The following LRRC53 variants were observed in gnomAD, a reference collection of about 807,000 sequenced individuals.
LRRC53 encodes leucine rich repeat containing 53, also known as leucine-rich repeat-containing protein 53.
A neutral mutation model predicts 13.6 loss-of-function variants in LRRC53; 25 were observed. That is an observed-to-expected ratio of 1.83 (90% CI 1.34 to 2.56). LRRC53 has a LOEUF of 2.56. LRRC53 is among the 30% of genes most tolerant of loss of function. The probability of loss-of-function intolerance (pLI) is 0.00; values close to 1 mark genes in which losing one functional copy is unlikely to be tolerated. For synonymous variants in LRRC53, 204 were observed against 109.8 expected (o/e 1.86, Z -5.37); for missense variants, 527 against 275.8 (o/e 1.91, Z -6.45).
the LRRC53 span, among the ~76,000 whole-genome samples, chr1:74,521,441 T>C: frequency 6.6e-6 from 1 of 152,184 alleles, no homozygotes; most frequent in African/African-American, 2.4e-5. Flanking sequence ...GAAATATGTA[T>C]TCTAATGCAA....
At chr1:74,534,688 C>T in the LRRC53 span, among the ~76,000 whole-genome samples, 1 of 152,078 alleles carries the variant, frequency 6.6e-6, no homozygotes, top group Admixed American at 6.6e-5. Flanking sequence ...TTAGGAGTAT[C>T]TCCTCTATCT....
At chr1:74,515,656 G>A (rs1442379054), upstream of LRRC53, among the ~76,000 whole-genome samples, 1 of 152,138 alleles carries the variant, frequency 6.6e-6, no homozygotes, top group African/African-American at 2.4e-5. Flanking sequence ...AAACTAAGGG[G>A]ATCATGGTTT....
At chr1:74,491,926 G>A (rs533975223) in intron 1 of LRRC53, among the ~76,000 whole-genome samples, 6 of 152,292 alleles carry the variant, frequency 3.9e-5, no homozygotes, top group Admixed American at 1.3e-4. Context: ...ATTAAGCTAG[G>A]CAGATGTTGC....
At chr1:74,494,084 C>T (rs1669212854) in intron 1 of LRRC53, among the ~76,000 whole-genome samples, 1 of 152,058 alleles carries the variant, frequency 6.6e-6, no homozygotes, top group Non-Finnish European at 1.5e-5. Flanking sequence ...ACTTTCCAAC[C>T]CATGGAAGAC....
In LRRC53 at chr1:74,470,047, G is replaced by A. The variant is rs1243942272; in HGVS notation, c.3575C>T (p.Thr1192Ile). Residue 1192 changes from threonine to isoleucine, a missense_variant, in exon 5 of 5, where the codon ACA becomes ATA. Thr to Ile is a moderately conservative substitution (Grantham distance 89, BLOSUM62 -1). Coordinates refer to ENST00000294635, the MANE Select transcript of LRRC53 (RefSeq NM_001382280.1). ...AHKEGAMTVE[T>I]HEALSFLPGL... is the part of the protein sequence containing the mutation. ...TGGTAAGAAGGAAAGCGCTTCATGT[G>A]TCTCCACTGTCATTGCGCCTTCTTT... 6 of 400,552 alleles carry A rather than the reference G, an allele frequency of 1.5e-5. No individual in the cohort carries two copies. Among genetic ancestry groups the A allele is most frequent in the Non-Finnish European group, 2.7e-5 (6 of 226,168 alleles). 24.8% of individuals were successfully genotyped at this position (400,552 alleles called of 1,614,324 possible).
intron 1 of LRRC53, among the ~76,000 whole-genome samples, chr1:74,485,893 T>C (rs1031060664): frequency 2.0e-5 from 3 of 152,050 alleles, no homozygotes; most frequent in African/African-American, 4.8e-5. Flanking sequence ...CAACAACCAA[T>C]GCGCTTAAAA....
chr1:74,533,787 T>C, the LRRC53 span, among the ~76,000 whole-genome samples: 6 of 152,090 alleles, frequency 3.9e-5, no homozygotes, highest in African/African-American at 1.4e-4. Context: ...TTGGAAATCA[T>C]CATTCTCAGT....
At position 74,481,076 on chromosome 1, in the gene LRRC53, G is replaced by A. The variant is rs1356972402; in HGVS notation, c.89-108C>T. The A allele has an allele frequency of 1.0e-4, 61 of 595,002 alleles. 2 individuals are homozygous for A. In the East Asian group the frequency reaches 1.3e-3, roughly 12 times the overall value. The allele number at this position is 595,002 out of a possible 1,614,324, so 36.9% of individuals were successfully genotyped here. A position where few individuals can be genotyped will look rare whatever the true frequency, so the allele number is the denominator to read the frequency against. On this transcript the variant is annotated intron_variant, in intron 2 of 4. Coordinates refer to ENST00000294635, the MANE Select transcript of LRRC53 (RefSeq NM_001382280.1). Reference sequence around the variant, plus strand: ...TCCTCTGAGCAATCTTATCACCTGGGTAAAAACAATAAACAATACAAAAAA... The same window carrying A: ...TCCTCTGAGCAATCTTATCACCTGGATAAAAACAATAAACAATACAAAAAA...
At chr1:74,494,153 C>T (rs528878310) in intron 1 of LRRC53, among the ~76,000 whole-genome samples, 15 of 152,232 alleles carry the variant, frequency 9.9e-5, no homozygotes, top group South Asian at 4.1e-4. Flanking sequence ...CATTTGCACA[C>T]GGCCCAGTTA....
intron 1 of LRRC53, among the ~76,000 whole-genome samples, chr1:74,506,804 T>G (rs1669927239): frequency 2.0e-5 from 3 of 152,218 alleles, no homozygotes; most frequent in Admixed American, 2.0e-4. Flanking sequence ...ATTTTTTTCC[T>G]TCTCCAAGGT....
At chr1:74,498,022 A>G (rs1172340763) in intron 1 of LRRC53, among the ~76,000 whole-genome samples, 2 of 152,110 alleles carry the variant, frequency 1.3e-5, no homozygotes, top group East Asian at 1.9e-4. Flanking sequence ...ATTCCCAAGG[A>G]CTAAAGAGAT....
At chr1:74,506,006 C>G (rs916847292) in intron 1 of LRRC53, among the ~76,000 whole-genome samples, 5 of 152,024 alleles carry the variant, frequency 3.3e-5, no homozygotes, top group Non-Finnish European at 7.4e-5. Flanking sequence ...GTTTTTTTGG[C>G]CTTCATCAGT....
In LRRC53 at chr1:74,480,406, G is replaced by C. The variant is rs1464116321; in HGVS notation, c.651C>G (p.Ser217Arg). The C allele has an allele frequency of 2.8e-6, 2 of 717,472 alleles. No individual in the cohort carries two copies. The highest frequency in any genetic ancestry group is 1.7e-5 in the African/African-American group (1 of 57,266). 44.4% of individuals were successfully genotyped at this position (717,472 alleles called of 1,614,324 possible). ...ILLSLDKNQW[S>R]CTCDLHPLAR... is the part of the protein sequence containing the mutation. Reference sequence around the variant, plus strand: ...CAAGGGGATGGAGATCACAAGTGCAGCTCCACTGGTTCTTATCTAAGCTCA... The same window carrying C: ...CAAGGGGATGGAGATCACAAGTGCACCTCCACTGGTTCTTATCTAAGCTCA... Residue 217 changes from serine to arginine, a missense_variant, in exon 3 of 5, where the codon AGC becomes AGG. Transcript: ENST00000294635.
the LRRC53 span, among the ~76,000 whole-genome samples, chr1:74,531,910 C>T: frequency 2.0e-5 from 3 of 152,164 alleles, no homozygotes; most frequent in African/African-American, 7.2e-5. Flanking sequence ...CTTGTGAGGC[C>T]TTAAATGGTG....
the LRRC53 span, among the ~76,000 whole-genome samples, chr1:74,530,134 G>A: frequency 2.5e-4 from 38 of 152,192 alleles, no homozygotes; most frequent in African/African-American, 8.9e-4. Flanking sequence ...CAGCCGTTAG[G>A]TGTCTACGTT....
chr1:74,509,747 C>CTTTTT (rs68193106), intron 1 of LRRC53, among the ~76,000 whole-genome samples: 22 of 47,818 alleles, frequency 4.6e-4, no homozygotes, highest in East Asian at 1.7e-3. Flanking sequence ...ATCTGAATTT[C>CTTTTT]TTTTTTTTTT....
intron 1 of LRRC53, among the ~76,000 whole-genome samples, chr1:74,491,009 GAT>G (rs1669042758): frequency 6.6e-6 from 1 of 152,174 alleles, no homozygotes; most frequent in South Asian, 2.1e-4. Flanking sequence ...CAAAATAAAA[GAT>G]ATGATTAGTC....
intron 3 of LRRC53, among the ~76,000 whole-genome samples, chr1:74,477,601 T>G (rs1410228532): frequency 6.6e-6 from 1 of 152,104 alleles, no homozygotes; most frequent in African/African-American, 2.4e-5. Flanking sequence ...GAAATGAGAG[T>G]AAACATAATT....
In LRRC53 at chr1:74,480,051, T is replaced by C. The variant is rs1046853813; in HGVS notation, c.904+102A>G. The C allele has an allele frequency of 8.1e-6, 5 of 617,976 alleles. No individual in the cohort carries two copies. In the African/African-American group the frequency reaches 9.2e-5, roughly 11 times the overall value. The allele number at this position is 617,976 out of a possible 1,614,324, so 38.3% of individuals were successfully genotyped here. ...ATCTACTGGCAACCTCTCCTTTCCATAGCCCTGGCAACCAAGTGTCTGAGA... is the reference window on the plus strand; with the variant it reads ...ATCTACTGGCAACCTCTCCTTTCCACAGCCCTGGCAACCAAGTGTCTGAGA... On this transcript the variant is annotated intron_variant, in intron 3 of 4. Coordinates refer to ENST00000294635, the MANE Select transcript of LRRC53 (RefSeq NM_001382280.1).
Sources: gnomAD v4.1 joint callset for allele counts (sites outside exome capture counted in the v4.1 genomes callset) on GRCh38, gnomAD v4.1.1 for gene constraint, MANE v1.5 for transcripts, NCBI Gene and HGNC (gene_info 2026-07-23, HGNC 2026-07-21) for gene names.